PDE1A: variants seen among roughly 807,000 people sequenced by gnomAD.
The protein encoded by PDE1A is phosphodiesterase 1A.
Under a neutral mutation model 61.7 loss-of-function variants are expected in PDE1A, and 35 were observed. The ratio of observed to expected loss-of-function variants is 0.57; its 90% confidence interval spans 0.43 to 0.75. The LOEUF (loss-of-function observed/expected upper bound fraction) is 0.75, where lower values mean the gene tolerates loss of function less well. Ranked by LOEUF, PDE1A falls within the 30% of genes least tolerant of loss-of-function variation. The probability of loss-of-function intolerance (pLI) is 0.00; values close to 1 mark genes in which losing one functional copy is unlikely to be tolerated. For missense variants in PDE1A, 597 were observed against 630.6 expected, an observed-to-expected ratio of 0.95 and a Z score of 0.57; for synonymous variants, 232 against 213.2, an observed-to-expected ratio of 1.09 and a Z score of -0.77.
intron 4 of PDE1A, among the ~76,000 whole-genome samples, chr2:182,234,212 A>G (rs1689819416): frequency 6.6e-6 from 1 of 152,166 alleles, no homozygotes; most frequent in African/African-American, 2.4e-5. Context: ...AAACATGCAT[A>G]TATATATGTT....
chr2:182,609,904 A>G, the PDE1A span, among the ~76,000 whole-genome samples: 2 of 152,294 alleles, frequency 1.3e-5, no homozygotes, highest in African/African-American at 2.4e-5. Flanking sequence ...CGTGGCCAAC[A>G]TGGCAAAACC....
the PDE1A span, among the ~76,000 whole-genome samples, chr2:182,614,393 T>C: frequency 3.9e-5 from 6 of 152,148 alleles, no homozygotes; most frequent in African/African-American, 1.4e-4. Context: ...TGTAAAACTG[T>C]CTAATATAAA....
chr2:182,219,253 A>C (rs1209591822), intron 7 of PDE1A, among the ~76,000 whole-genome samples: 1 of 152,152 alleles, frequency 6.6e-6, no homozygotes, highest in African/African-American at 2.4e-5. Flanking sequence ...CATCAAGGGA[A>C]GGCTTTTATT....
chr2:182,580,890 A>C, the PDE1A span, among the ~76,000 whole-genome samples: 1 of 152,186 alleles, frequency 6.6e-6, no homozygotes, highest in African/African-American at 2.4e-5. Flanking sequence ...ATTATTCCAC[A>C]TAAATTACAT....
At chr2:182,437,470 A>G (rs1020061677) in intron 2 of PDE1A, among the ~76,000 whole-genome samples, 2 of 151,942 alleles carry the variant, frequency 1.3e-5, no homozygotes, top group Non-Finnish European at 2.9e-5. Flanking sequence ...TAAAGCTAAG[A>G]GTTACCTATG....
the PDE1A span, among the ~76,000 whole-genome samples, chr2:182,649,568 G>A: frequency 6.9e-5 from 10 of 144,930 alleles, no homozygotes; most frequent in East Asian, 2.0e-4. Flanking sequence ...CCAGCAGTTC[G>A]AGACCAGCCT....
chr2:182,333,853 C>T (rs7561075), intron 1 of PDE1A, among the ~76,000 whole-genome samples: 36,876 of 151,700 alleles, frequency 0.24, 4,586 homozygotes, highest in Middle Eastern at 0.36. Flanking sequence ...AAAGAAGAAA[C>T]GAGAGAAGAA....
chr2:182,425,595 A>C (rs965191517), intron 1 of PDE1A, among the ~76,000 whole-genome samples: 2 of 152,226 alleles, frequency 1.3e-5, no homozygotes, highest in African/African-American at 2.4e-5. Context: ...ATGTTTAATC[A>C]GTAAAAATGG....
chr2:182,588,817 G>A, the PDE1A span, among the ~76,000 whole-genome samples: 36 of 152,140 alleles, frequency 2.4e-4, no homozygotes, highest in African/African-American at 7.7e-4. Flanking sequence ...GCCGAGGCAG[G>A]CGGATCACCC....
the PDE1A span, among the ~76,000 whole-genome samples, chr2:182,691,512 C>T: frequency 1.3e-5 from 2 of 152,272 alleles, no homozygotes; most frequent in South Asian, 4.1e-4. Context: ...TTCCTTGCAC[C>T]TTATACAAAA....
the PDE1A span, among the ~76,000 whole-genome samples, chr2:182,551,216 T>A: frequency 6.6e-5 from 10 of 151,854 alleles, no homozygotes; most frequent in Non-Finnish European, 1.3e-4. Context: ...AAGGGAGAGG[T>A]ATCTTTTGAC....
downstream of PDE1A, among the ~76,000 whole-genome samples, chr2:182,146,203 T>C (rs1251144181): frequency 2.0e-5 from 3 of 152,150 alleles, no homozygotes; most frequent in Non-Finnish European, 4.4e-5. Context: ...TATCAAAAAT[T>C]CAAATTTTCA....
chr2:182,695,730 AC>A, the PDE1A span, among the ~76,000 whole-genome samples: 1 of 151,996 alleles, frequency 6.6e-6, no homozygotes, highest in Non-Finnish European at 1.5e-5. Context: ...ATAAGCCACA[AC>A]TGGGAGGAAA....
At chr2:182,653,615 A>G in the PDE1A span, among the ~76,000 whole-genome samples, 1 of 152,226 alleles carries the variant, frequency 6.6e-6, no homozygotes, top group Non-Finnish European at 1.5e-5. Flanking sequence ...TAGAAAAGAT[A>G]GCAATTGAAG....
intron 2 of PDE1A, among the ~76,000 whole-genome samples, chr2:182,262,161 TCTC>T (rs999795898): frequency 6.6e-6 from 1 of 152,056 alleles, no homozygotes; most frequent in Non-Finnish European, 1.5e-5. Flanking sequence ...TTTCTTTCTT[TCTC>T]TTCTTTCTTT....
intron 13 of PDE1A, among the ~76,000 whole-genome samples, chr2:182,161,364 G>A (rs1691372267): frequency 1.3e-5 from 2 of 151,696 alleles, no homozygotes; most frequent in Admixed American, 1.3e-4. Flanking sequence ...AAAAAAAATG[G>A]AATTATCTAA....
chr2:182,433,897 T>C (rs1394288672), intron 2 of PDE1A, among the ~76,000 whole-genome samples: 1 of 152,190 alleles, frequency 6.6e-6, no homozygotes, highest in African/African-American at 2.4e-5. Context: ...TGAAATGCTT[T>C]TCATCCTGCT....
intron 2 of PDE1A, among the ~76,000 whole-genome samples, chr2:182,256,721 A>T (rs1691846458): frequency 6.6e-6 from 1 of 151,250 alleles, no homozygotes; most frequent in Admixed American, 6.6e-5. Flanking sequence ...TCTAGGAAGC[A>T]TTTTTTTTTC....
intron 2 of PDE1A, among the ~76,000 whole-genome samples, chr2:182,262,106 A>G (rs1427253409): frequency 6.7e-6 from 1 of 149,180 alleles, no homozygotes; most frequent in African/African-American, 2.4e-5. Context: ...AACATTCACC[A>G]AGAAAATAAT....
Sources: allele counts gnomAD v4.1 joint callset (sites outside exome capture counted in the v4.1 genomes callset), GRCh38; gene constraint gnomAD v4.1.1; transcripts MANE v1.5; gene names NCBI Gene and HGNC (gene_info 2026-07-23, HGNC 2026-07-21).